The following UGT1A3 variants were observed in gnomAD, a reference collection of about 807,000 sequenced individuals.
UGT1A3 encodes the protein UDP glucuronosyltransferase family 1 member A3.
Under a neutral mutation model 41.0 loss-of-function variants are expected in UGT1A3, and 31 were observed. That is an observed-to-expected ratio of 0.76 (90% CI 0.57 to 1.02). The LOEUF (loss-of-function observed/expected upper bound fraction) is 1.02, where lower values mean the gene tolerates loss of function less well. Among genes scored for constraint, UGT1A3 ranks in the 50% least tolerant of loss-of-function variants. The pLI, the probability that UGT1A3 is intolerant of heterozygous loss-of-function variation, is 0.00. For synonymous variants in UGT1A3, 262 were observed against 257.6 expected, an observed-to-expected ratio of 1.02 and a Z score of -0.17; for missense variants, 737 against 671.0, an observed-to-expected ratio of 1.10 and a Z score of -1.09.
rs1191873899 is a variant in UGT1A3 at position 233,760,673 on chromosome 2, A to G, written c.868-6361A>G. The G allele has an allele frequency of 2.5e-6, 4 of 1,614,214 alleles. No homozygotes were observed. Among genetic ancestry groups the G allele is most frequent in the Non-Finnish European group, 3.4e-6 (4 of 1,180,038 alleles). Reference sequence around the variant, plus strand: ...GCTATGCTTTTGTCTGGCTGTTCCCACTTACTGCACAACAAGGAGCTCATG... The same window carrying G: ...GCTATGCTTTTGTCTGGCTGTTCCCGCTTACTGCACAACAAGGAGCTCATG... On this transcript the variant is annotated intron_variant, in intron 1 of 4. Coordinates refer to ENST00000482026, the MANE Select transcript of UGT1A3 (RefSeq NM_019093.4).
At chr2:233,737,076 G>C (rs183644627) in intron 1 of UGT1A3, among the ~76,000 whole-genome samples, 1 of 152,350 alleles carries the variant, frequency 6.6e-6, no homozygotes, top group East Asian at 1.9e-4. Flanking sequence ...CTTCAGAGCT[G>C]TCAGACAGGG....
chr2:233,769,491 G>A lies in UGT1A3; in HGVS notation c.1307+1052G>A. 1 of 1,612,664 alleles carries A rather than the reference G, an allele frequency of 6.2e-7. No individual in the cohort carries two copies. The highest frequency in any genetic ancestry group is 8.5e-7 in the Non-Finnish European group (1 of 1,179,770). On this transcript the variant is annotated intron_variant, in intron 4 of 4. Coordinates refer to ENST00000482026, the MANE Select transcript of UGT1A3 (RefSeq NM_019093.4). This position sits in a 1 kb window ranked among gnomAD's most constrained non-coding sequence, Gnocchi z 4.4. Reference sequence around the variant, plus strand: ...TGTGTGTGTGTGTGCGTGTGTTTATGAGAGTGTCCATTGCTTTCTCCCATG... The same window carrying A: ...TGTGTGTGTGTGTGCGTGTGTTTATAAGAGTGTCCATTGCTTTCTCCCATG...
chr2:233,754,869 C>A (rs1695620043), intron 1 of UGT1A3: 2 of 1,352,824 alleles, frequency 1.5e-6, no homozygotes, highest in South Asian at 2.3e-5. Context: ...AGACCCTCTG[C>A]TTCTGCTTCC....
At chr2:233,771,290 T>C (rs1700276789) in intron 4 of UGT1A3, 1 of 152,250 alleles carries the variant, frequency 6.6e-6, no homozygotes, top group African/African-American at 2.4e-5. Context: ...CCTTTTCTTT[T>C]CTACTTCCTC....
chr2:233,738,373 AC>A (rs1456514081), intron 1 of UGT1A3, among the ~76,000 whole-genome samples: 3 of 152,222 alleles, frequency 2.0e-5, no homozygotes, highest in Non-Finnish European at 4.4e-5. Context: ...CTATAAAACT[AC>A]TTGAAAATGT....
intron 1 of UGT1A3, chr2:233,747,628 G>A (rs767343717): frequency 1.6e-4 from 253 of 1,579,014 alleles, no homozygotes; most frequent in Non-Finnish European, 2.0e-4. Flanking sequence ...GCCCTGATCA[G>A]GCACCTGAAT....
At position 233,769,709 on chromosome 2, in the gene UGT1A3, G is replaced by T. The variant is rs1309329692; in HGVS notation, c.1307+1270G>T. The T allele has an allele frequency of 6.6e-7, 1 of 1,509,378 alleles. No individual in the cohort carries two copies. Among genetic ancestry groups the T allele is most frequent in the South Asian group, 1.3e-5 (1 of 76,432 alleles). The allele number at this position is 1,509,378 out of a possible 1,614,324, so 93.5% of individuals were successfully genotyped here. On this transcript the variant is annotated intron_variant, in intron 4 of 4. Coordinates refer to ENST00000482026, the MANE Select transcript of UGT1A3 (RefSeq NM_019093.4). The surrounding 1 kb of genome is among the most constrained non-coding windows in gnomAD (Gnocchi z 4.4). Reference sequence around the variant, plus strand: ...GGCACTGGATAAAAGATCAATGTTGGCTAGGCACCATGGCACACGCCTGTA... The same window carrying T: ...GGCACTGGATAAAAGATCAATGTTGTCTAGGCACCATGGCACACGCCTGTA...
chr2:233,757,450 T>C (rs1696530836), intron 1 of UGT1A3, among the ~76,000 whole-genome samples: 1 of 150,428 alleles, frequency 6.6e-6, no homozygotes, highest in African/African-American at 2.5e-5. Context: ...TACAGAAACA[T>C]GTCCAGAGCG....
Position 233,729,933 on chromosome 2 carries a change from C to T in UGT1A3, c.807C>T (p.Ile269=), listed in dbSNP as rs759524268. The T allele has an allele frequency of 1.9e-5, 31 of 1,614,088 alleles. No homozygotes were observed. The African/African-American group carries it at 3.9e-4, about 20-fold the overall frequency. ...GDFVMDYPRP[I]MPNMVFIGGI... is the part of the protein sequence containing the mutation. Reference sequence around the variant, plus strand: ...TTGTGATGGACTACCCCAGGCCAATCATGCCCAACATGGTCTTCATTGGGG... The same window carrying T: ...TTGTGATGGACTACCCCAGGCCAATTATGCCCAACATGGTCTTCATTGGGG... The change falls in exon 1 of 5, where the codon ATC becomes ATT. Residue 269 remains isoleucine, a synonymous_variant. Transcript: ENST00000482026.
At chr2:233,750,844 C>G (rs903406800) in intron 1 of UGT1A3, 1 of 151,832 alleles carries the variant, frequency 6.6e-6, no homozygotes, top group African/African-American at 2.4e-5. Flanking sequence ...TAAGGAAATG[C>G]TTGGATGTCC....
At chr2:233,753,441 T>A (rs1695206490) in intron 1 of UGT1A3, 2 of 152,230 alleles carry the variant, frequency 1.3e-5, no homozygotes, top group African/African-American at 4.8e-5. Flanking sequence ...GTTAATGATG[T>A]GTTCAGGCCA....
At position 233,729,418 on chromosome 2, in the gene UGT1A3, C is replaced by G. The variant is rs767075573; in HGVS notation, c.292C>G (p.Gln98Glu). 8.1e-6 allele frequency: 13 copies of G among 1,613,638 alleles called. No individual in the cohort carries two copies. In the African/African-American group the frequency reaches 1.5e-4, roughly 18 times the overall value. ...EFDRHVLGHT[Q>E]LYFETEHFLK... The stretch of plus-strand genomic sequence containing the variant: ...TGATCGCCATGTGCTGGGCCACACT[C>G]AACTGTACTTTGAAACAGAACATTT... Residue 98 changes from glutamine to glutamate, a missense_variant, in exon 1 of 5, where the codon CAA (glutamine) becomes GAA (glutamate). Coordinates refer to ENST00000482026, the MANE Select transcript of UGT1A3 (RefSeq NM_019093.4).
chr2:233,732,903 T>A (rs1448905954), intron 1 of UGT1A3, among the ~76,000 whole-genome samples: 1 of 152,162 alleles, frequency 6.6e-6, no homozygotes, highest in Non-Finnish European at 1.5e-5. Flanking sequence ...CCTTGGGCAG[T>A]ATGGCCATTT....
chr2:233,729,544 C>T lies in UGT1A3; in HGVS notation c.418C>T (p.His140Tyr), dbSNP rs2077877182. Residue 140 changes from histidine (H) to tyrosine (Y), a missense_variant, in exon 1 of 5, where the codon CAC becomes TAC. By Grantham distance (83) the His-to-Tyr change is moderately conservative. Coordinates refer to ENST00000482026, the MANE Select transcript of UGT1A3 (RefSeq NM_019093.4). ...ELLHNEALIR[H>Y]LNATSFDVVL... ...ACTACATAATGAGGCCCTGATCAGG[C>T]ACCTGAATGCTACTTCCTTTGATGT... 1.5e-5 allele frequency: 24 copies of T among 1,614,178 alleles called. No individual in the cohort carries two copies. Among genetic ancestry groups the T allele is most frequent in the Non-Finnish European group, 1.9e-5 (23 of 1,180,034 alleles).
chr2:233,761,269 T>C, intron 1 of UGT1A3: 1 of 1,591,986 alleles, frequency 6.3e-7, no homozygotes, highest in Non-Finnish European at 8.6e-7. Context: ...TAAAATGCCC[T>C]CTTTTGTTAA....
At chr2:233,743,177 G>A (rs1692221574) in intron 1 of UGT1A3, 2 of 366,924 alleles carry the variant, frequency 5.5e-6, no homozygotes. Context: ...AAAGTCAAAT[G>A]TGGACTGGAA....
chr2:233,766,611 C>T (rs972496643), intron 1 of UGT1A3, among the ~76,000 whole-genome samples: 4 of 152,176 alleles, frequency 2.6e-5, no homozygotes, highest in African/African-American at 4.8e-5. Flanking sequence ...ACACCCTCTT[C>T]TACCCAGCAC....
At chr2:233,760,757 G>A (rs762472856) in intron 1 of UGT1A3, 14 of 1,613,946 alleles carry the variant, frequency 8.7e-6, no homozygotes, top group South Asian at 1.1e-5. Flanking sequence ...CTTCCTTGCA[G>A]CCCCATCGTG....
intron 1 of UGT1A3, among the ~76,000 whole-genome samples, chr2:233,739,441 A>G (rs1691102531): frequency 6.6e-6 from 1 of 152,220 alleles, no homozygotes. Context: ...TTTACCCTGC[A>G]AAGCCACAGG....
Sources: allele counts gnomAD v4.1 joint callset (sites outside exome capture counted in the v4.1 genomes callset), GRCh38; gene constraint gnomAD v4.1.1; non-coding constraint Gnocchi (gnomAD v3.1); transcripts MANE v1.5; gene names NCBI Gene and HGNC (gene_info 2026-07-23, HGNC 2026-07-21).